THSD7A: variants seen among roughly 807,000 people sequenced by gnomAD.
THSD7A encodes thrombospondin type-1 domain-containing protein 7A.
THSD7A carries 96 observed loss-of-function variants against 231.3 expected under a neutral mutation model. The observed-to-expected ratio is 0.41, with a 90% confidence interval of 0.35 to 0.49. THSD7A has a LOEUF of 0.49. Ranked by LOEUF, THSD7A falls within the 20% of genes least tolerant of loss-of-function variation. The pLI is 0.05. For synonymous variants in THSD7A, 940 were observed against 743.3 expected (o/e 1.26, Z -4.30); for missense variants, 2,290 against 2,070.2 (o/e 1.11, Z -2.06).
intron 1 of THSD7A, among the ~76,000 whole-genome samples, chr7:11,749,413 T>C (rs905717539): frequency 5.9e-5 from 9 of 151,980 alleles, no homozygotes; most frequent in Non-Finnish European, 1.0e-4. Context: ...CATTCTTCCC[T>C]AGTCATAAAT....
At chr7:11,419,593 G>A (rs560280565) in intron 16 of THSD7A, among the ~76,000 whole-genome samples, 1 of 152,190 alleles carries the variant, frequency 6.6e-6, no homozygotes, top group South Asian at 2.1e-4. Flanking sequence ...ACAGAAAATT[G>A]GTACAAAAGA....
At position 11,543,074 on chromosome 7, in the gene THSD7A, A is replaced by G. The variant is rs1416469252; in HGVS notation, c.1497T>C (p.Pro499=). The change falls in exon 5 of 28, where the codon CCT becomes CCC. Residue 499 remains proline (P), a synonymous_variant. Transcript: ENST00000423059. ...MDLKLCTGPI[P]NTTQLCHIPC... ...GAATGTGGCACAGCTGTGTAGTATT[A>G]GGGATAGGTCCAGTGCATAATTTTA... 6.2e-7 allele frequency: 1 copy of G among 1,613,850 alleles called. No individual in the cohort carries two copies. Among genetic ancestry groups the G allele is most frequent in the South Asian group, 1.1e-5 (1 of 91,070 alleles).
At chr7:11,450,309 C>G (rs907747105) in intron 11 of THSD7A, among the ~76,000 whole-genome samples, 37 of 152,092 alleles carry the variant, frequency 2.4e-4, no homozygotes, top group African/African-American at 8.7e-4. Context: ...CTTAAGTACT[C>G]TAGCTAGTTG....
intron 7 of THSD7A, among the ~76,000 whole-genome samples, chr7:11,478,614 G>C (rs1029418589): frequency 6.6e-6 from 1 of 152,118 alleles, no homozygotes; most frequent in East Asian, 1.9e-4. Context: ...AAAGCAAAAG[G>C]AAAAGCAAAA....
At chr7:11,704,544 G>A (rs1780704079) in intron 1 of THSD7A, among the ~76,000 whole-genome samples, 1 of 150,846 alleles carries the variant, frequency 6.6e-6, no homozygotes, top group African/African-American at 2.4e-5. Context: ...TGGAGTCTGT[G>A]TGAATATGTT....
intron 2 of THSD7A, among the ~76,000 whole-genome samples, chr7:11,611,814 ACACACACACACACACACT>A (rs1252908391): frequency 6.7e-6 from 1 of 150,164 alleles, no homozygotes; most frequent in South Asian, 2.1e-4. Context: ...ACACACACAC[ACACACACACACACACACT>A]ATCATCTGTC....
chr7:11,792,748 T>C (rs1783997041), intron 1 of THSD7A, among the ~76,000 whole-genome samples: 1 of 151,972 alleles, frequency 6.6e-6, no homozygotes, highest in South Asian at 2.1e-4. Context: ...CACTATACCA[T>C]AGGCCATTAA....
chr7:11,652,503 A>G (rs1782542308), intron 1 of THSD7A, among the ~76,000 whole-genome samples: 7 of 152,006 alleles, frequency 4.6e-5, no homozygotes, highest in Admixed American at 4.6e-4. Flanking sequence ...AAGTGCCATC[A>G]TCATTATAAA....
At chr7:11,407,088 A>C in intron 20 of THSD7A, 33 bp from the exon 21 acceptor site, 3 of 1,611,102 alleles carry the variant, frequency 1.9e-6, no homozygotes, top group Non-Finnish European at 2.5e-6. Flanking sequence ...CACCTTTAAT[A>C]TATGTTATGG....
rs555552926 is a variant in THSD7A, at chr7:11,411,187, A to G, written c.3798+20T>C. On this transcript the variant is annotated intron_variant, in intron 19 of 27. Transcript: ENST00000423059. The surrounding 1 kb of genome is among the most constrained non-coding windows in gnomAD (Gnocchi z 4.1). Reference sequence around the variant, plus strand: ...TAGGGAAGAATTTACTCGCGAAGATATAACACAGCATCCACCTACCGCTTC... The same window carrying G: ...TAGGGAAGAATTTACTCGCGAAGATGTAACACAGCATCCACCTACCGCTTC... 47 of 1,581,538 alleles carry G rather than the reference A, an allele frequency of 3.0e-5. No homozygotes were observed. Among genetic ancestry groups the G allele is most frequent in the South Asian group, 4.4e-5 (4 of 90,018 alleles).
intron 1 of THSD7A, among the ~76,000 whole-genome samples, chr7:11,752,865 G>T (rs540180376): frequency 6.6e-6 from 1 of 152,062 alleles, no homozygotes; most frequent in Non-Finnish European, 1.5e-5. Flanking sequence ...GGTCAAGGCT[G>T]CAGTGATCCA....
At chr7:11,713,984 A>G (rs1311351444) in intron 1 of THSD7A, among the ~76,000 whole-genome samples, 1 of 151,346 alleles carries the variant, frequency 6.6e-6, no homozygotes, top group African/African-American at 2.4e-5. Context: ...AGGAAAAAAC[A>G]TCAGAGTGCG....
Position 11,406,635 on chromosome 7 carries a change from T to C in THSD7A, c.4063-161A>G, listed in dbSNP as rs1399070869. On this transcript the variant is annotated intron_variant, in intron 21 of 27. Transcript: ENST00000423059. This position sits in a 1 kb window ranked among gnomAD's most constrained non-coding sequence, Gnocchi z 4.7. ...CCTATAGGGCACTAGCAATAAAGCA[T>C]ACATTGAACAATTTGTTTCCTAGCT... 6.6e-6 allele frequency among the ~76,000 whole-genome samples: 1 copy of C among 152,182 alleles called. No homozygotes were observed. Among genetic ancestry groups the C allele is most frequent in the East Asian group, 1.9e-4 (1 of 5,196 alleles).
In THSD7A at chr7:11,474,463, A is replaced by G. The variant is rs1202377428; in HGVS notation, c.2123T>C (p.Ile708Thr). The G allele has an allele frequency of 1.2e-6, 2 of 1,613,472 alleles. No individual in the cohort carries two copies. Among genetic ancestry groups the G allele is most frequent in the Non-Finnish European group, 1.7e-6 (2 of 1,179,616 alleles). The change falls in exon 8 of 28, where the codon ATT becomes ACT. Residue 708 changes from isoleucine to threonine, a missense_variant. Coordinates refer to ENST00000423059, the MANE Select transcript of THSD7A (RefSeq NM_015204.3). The surrounding 1 kb of genome is among the most constrained non-coding windows in gnomAD (Gnocchi z 4.1). ...HWQTGPWGQCIEDTSVSSFNT... is the reference protein window; with the variant it reads ...HWQTGPWGQCTEDTSVSSFNT... ...GAAGGACGATACTGAGGTGTCCTCA[A>G]TGCACTGGCCCCAGGGACCAGTTTG... is the stretch of plus-strand genomic sequence containing the variant.
chr7:11,575,626 C>T (rs536555304), intron 4 of THSD7A, among the ~76,000 whole-genome samples: 44 of 152,298 alleles, frequency 2.9e-4, no homozygotes, highest in South Asian at 1.0e-3. Flanking sequence ...GAACTCTCTG[C>T]CTCTATCAAA....
intron 4 of THSD7A, among the ~76,000 whole-genome samples, chr7:11,582,178 C>G (rs977022068): frequency 1.3e-5 from 2 of 151,682 alleles, no homozygotes; most frequent in Non-Finnish European, 2.9e-5. Flanking sequence ...TTTATCCAGC[C>G]TCTTTCATTT....
In THSD7A at chr7:11,831,803, C is replaced by G. The variant is rs768761903; in HGVS notation, c.144G>C (p.Ala48=). ...LLLRPGAGRA[A]AQGEAEAPTL... is the part of the protein sequence containing the mutation. ...TGGGCGCCTCCGCCTCGCCCTGCGC[C>G]GCAGCCCTGCCGGCGCCCGGGCGTA... Residue 48 remains alanine (A), a synonymous_variant, in exon 1 of 28, where the codon GCG becomes GCC. Transcript: ENST00000423059. The surrounding 1 kb of genome is among the most constrained non-coding windows in gnomAD (Gnocchi z 5.0). The G allele has an allele frequency of 2.1e-6, 3 of 1,461,238 alleles. No individual in the cohort carries two copies. The African/African-American group carries it at 4.4e-5, about 21-fold the overall frequency. 90.5% of individuals were successfully genotyped at this position (1,461,238 alleles called of 1,614,324 possible). A position where few individuals can be genotyped will look rare whatever the true frequency, so the allele number is the denominator to read the frequency against.
chr7:11,720,274 T>C (rs1170771510), intron 1 of THSD7A, among the ~76,000 whole-genome samples: 1 of 151,762 alleles, frequency 6.6e-6, no homozygotes, highest in Non-Finnish European at 1.5e-5. Context: ...TCTAGCTTCA[T>C]CTCACAACAC....
At position 11,646,023 on chromosome 7, in the gene THSD7A, G is replaced by T. The variant is rs188704835; in HGVS notation, c.191-9062C>A. On this transcript the variant is annotated intron_variant, in intron 1 of 27. Coordinates refer to ENST00000423059, the MANE Select transcript of THSD7A (RefSeq NM_015204.3). ...TGAGTAAAGTCTCATGCAAATAAGG[G>T]GATGCAAAAACAATTTCTTAGAGAA... is the stretch of plus-strand genomic sequence containing the variant. Among the ~76,000 whole-genome samples the T allele has an allele frequency of 8.6e-5, 13 of 151,870 alleles. No individual in the cohort carries two copies. The East Asian group carries it at 1.5e-3, about 18-fold the overall frequency.
Sources: gnomAD v4.1 joint callset for allele counts (sites outside exome capture counted in the v4.1 genomes callset) on GRCh38, gnomAD v4.1.1 for gene constraint, Gnocchi (gnomAD v3.1) non-coding constraint, MANE v1.5 for transcripts, NCBI Gene and HGNC (gene_info 2026-07-23, HGNC 2026-07-21) for gene names.